Variants in GPHN observed in about 807,000 individuals in gnomAD.
GPHN encodes gephyrin.
A neutral mutation model predicts 95.5 loss-of-function variants in GPHN; 17 were observed. That is an observed-to-expected ratio of 0.18 (90% confidence interval 0.12 to 0.27). GPHN has a LOEUF of 0.27. Among genes scored for constraint, GPHN ranks in the 10% least tolerant of loss-of-function variants. GPHN has a pLI of 1.00. For synonymous variants in GPHN, 320 were observed against 322.5 expected, an observed-to-expected ratio of 0.99 and a Z score of 0.08; for missense variants, 660 against 978.1, an observed-to-expected ratio of 0.67 and a Z score of 4.34.
At chr14:67,381,750 T>G in the GPHN span, 1 of 1,242,478 alleles carries the variant, frequency 8.0e-7, no homozygotes, top group Non-Finnish European at 1.1e-6. Flanking sequence ...ATAGGATCTT[T>G]GATCTTTGTT....
chr14:67,222,175 T>A, the GPHN span: 1 of 222,594 alleles, frequency 4.5e-6, no homozygotes, highest in African/African-American at 2.3e-5. Context: ...CTTGCTGATA[T>A]ATAACGGGAA....
At chr14:67,572,381 C>A in the GPHN span, 1 of 922,998 alleles carries the variant, frequency 1.1e-6, no homozygotes. Context: ...AGTGAGGGGT[C>A]CCTAGAGCTG....
the GPHN span, chr14:67,571,464 C>G: frequency 2.9e-6 from 1 of 344,612 alleles, no homozygotes; most frequent in Non-Finnish European, 5.5e-6. Context: ...GCTTTCTGGC[C>G]CCCTAGTGGC....
intron 10 of GPHN, among the ~76,000 whole-genome samples, chr14:67,036,557 TTAAAGC>T (rs1417509169): frequency 3.9e-5 from 4 of 102,240 alleles, no homozygotes; most frequent in African/African-American, 3.0e-4. Flanking sequence ...ACACTAACTG[TTAAAGC>T]TAATACAAGA....
At chr14:67,474,906 AT>A in the GPHN span, among the ~76,000 whole-genome samples, 1 of 142,758 alleles carries the variant, frequency 7.0e-6, no homozygotes, top group African/African-American at 2.7e-5. Context: ...ACATGTCAGA[AT>A]TTCCTTCTTT....
At chr14:67,207,083 T>C in the GPHN span, among the ~76,000 whole-genome samples, 1 of 152,218 alleles carries the variant, frequency 6.6e-6, no homozygotes, top group Non-Finnish European at 1.5e-5. Flanking sequence ...AAAGTGAAGT[T>C]TTATCCTTAA....
the GPHN span, chr14:67,387,410 C>T: frequency 1.2e-6 from 2 of 1,610,160 alleles, no homozygotes; most frequent in Non-Finnish European, 1.7e-6. Flanking sequence ...GTGTGTCATC[C>T]TTAGTAATCA....
At chr14:66,761,669 T>C (rs1373511181) in intron 2 of GPHN, among the ~76,000 whole-genome samples, 1 of 151,600 alleles carries the variant, frequency 6.6e-6, no homozygotes, top group African/African-American at 2.4e-5. Flanking sequence ...CTTTTTTTTT[T>C]TTTTTTTTGA....
At chr14:66,895,810 G>A (rs1050579463) in intron 5 of GPHN, among the ~76,000 whole-genome samples, 6 of 152,134 alleles carry the variant, frequency 3.9e-5, no homozygotes, top group Non-Finnish European at 7.3e-5. Flanking sequence ...GAGAGTTGAG[G>A]ATACAGGAGG....
chr14:66,828,212 A>G (rs184619767), intron 4 of GPHN, among the ~76,000 whole-genome samples: 1 of 152,008 alleles, frequency 6.6e-6, no homozygotes, highest in Non-Finnish European at 1.5e-5. Flanking sequence ...CTATTAAATA[A>G]TACTAATAAA....
At chr14:66,970,677 C>G (rs1352714688) in intron 9 of GPHN, among the ~76,000 whole-genome samples, 4 of 152,064 alleles carry the variant, frequency 2.6e-5, no homozygotes, top group African/African-American at 9.7e-5. Context: ...ATCAATAAGA[C>G]TATACTAGAC....
chr14:67,468,418 C>A, the GPHN span, among the ~76,000 whole-genome samples: 1 of 152,192 alleles, frequency 6.6e-6, no homozygotes, highest in Non-Finnish European at 1.5e-5. Context: ...GAAGACCAGG[C>A]AAGACTACAG....
At chr14:67,490,543 T>C in the GPHN span, among the ~76,000 whole-genome samples, 1 of 152,234 alleles carries the variant, frequency 6.6e-6, no homozygotes, top group Non-Finnish European at 1.5e-5. Flanking sequence ...TCAGTTTTCA[T>C]GCACATAGGA....
chr14:66,726,335 A>G (rs1412815055), intron 2 of GPHN, among the ~76,000 whole-genome samples: 1 of 152,218 alleles, frequency 6.6e-6, no homozygotes, highest in Admixed American at 6.5e-5. Context: ...GAAATTTAAA[A>G]AAGGCAGAAA....
rs111944832 is a variant in GPHN, at chr14:66,927,391, A to T, written c.828+3099A>T. On this transcript the variant is annotated intron_variant, in intron 8 of 22. Transcript: ENST00000478722. ...ATATGCTACTAATTTTTGTTTGTTGATTTTGTATCCTGCCACTTTACTGAA... is the reference window on the plus strand; with the variant it reads ...ATATGCTACTAATTTTTGTTTGTTGTTTTTGTATCCTGCCACTTTACTGAA... 3.1e-3 allele frequency among the ~76,000 whole-genome samples: 466 copies of T among 150,690 alleles called. 11 individuals carry two copies. The highest frequency in any genetic ancestry group is 0.011 in the African/African-American group (441 of 41,166).
At chr14:67,619,996 C>T in the GPHN span, 1 of 1,607,388 alleles carries the variant, frequency 6.2e-7, no homozygotes, top group Non-Finnish European at 8.5e-7. Flanking sequence ...AAGGGGCAGC[C>T]TCTCGCGTCT....
At chr14:66,680,010 A>G (rs2066846430) in intron 1 of GPHN, among the ~76,000 whole-genome samples, 1 of 152,196 alleles carries the variant, frequency 6.6e-6, no homozygotes, top group African/African-American at 2.4e-5. Flanking sequence ...TGAACTAAAT[A>G]TTATTTTTCT....
chr14:66,681,727 A>G (rs1479270417), intron 2 of GPHN, among the ~76,000 whole-genome samples: 2 of 152,120 alleles, frequency 1.3e-5, no homozygotes, highest in African/African-American at 4.8e-5. Context: ...ATATCTTTCT[A>G]ATACATATAC....
chr14:66,855,067 C>T (rs986407635), intron 4 of GPHN, among the ~76,000 whole-genome samples: 1 of 151,982 alleles, frequency 6.6e-6, no homozygotes, highest in Non-Finnish European at 1.5e-5. Flanking sequence ...AGCTGGCCTC[C>T]AACTCCTGAC....
Sources: gnomAD v4.1 joint callset for allele counts (sites outside exome capture counted in the v4.1 genomes callset) on GRCh38, gnomAD v4.1.1 for gene constraint, MANE v1.5 for transcripts, NCBI Gene and HGNC (gene_info 2026-07-23, HGNC 2026-07-21) for gene names.